The following TRAPPC10 variants were observed in gnomAD, a reference collection of about 807,000 sequenced individuals.
The protein encoded by TRAPPC10 is trafficking protein particle complex subunit 10, also known as TRAPP 130 kDa subunit.
In TRAPPC10, 23 loss-of-function variants were observed where a neutral mutation model predicts 125.5. The ratio of observed to expected loss-of-function variants is 0.18; its 90% CI spans 0.13 to 0.26. TRAPPC10 has a LOEUF of 0.26. TRAPPC10 is among the 10% of genes least tolerant of loss of function. TRAPPC10 has a pLI of 1.00. For synonymous variants in TRAPPC10, 509 were observed against 518.0 expected, an observed-to-expected ratio of 0.98 and a Z score of 0.24; for missense variants, 1,123 against 1,308.4, an observed-to-expected ratio of 0.86 and a Z score of 2.19.
rs2037673502 is a variant in TRAPPC10 at position 44,081,005 on chromosome 21, C to CTTTTTTTTTTCTTTTTTTTTTT, written c.1723+888_1723+889insCTTTTTTTTTTTTTTTTTTTTT. ...CATTACCACAGTCAATATTATTGTTCTTTTTTTTTTTCTTTTTTTTTTTTT... is the reference window on the plus strand; with the variant it reads ...CATTACCACAGTCAATATTATTGTTCTTTTTTTTTTCTTTTTTTTTTTTTTTTTTTTTTCTTTTTTTTTTTTT... On this transcript the variant is annotated intron_variant, in intron 13 of 22. Transcript: ENST00000291574. Among the ~76,000 whole-genome samples, 6 of 103,870 alleles carry CTTTTTTTTTTCTTTTTTTTTTT rather than the reference C, an allele frequency of 5.8e-5. 1 individual carries two copies. Among genetic ancestry groups the CTTTTTTTTTTCTTTTTTTTTTT allele is most frequent in the African/African-American group, 9.5e-5 (3 of 31,530 alleles). 68.1% of individuals were successfully genotyped at this position (103,870 alleles called of 152,430 possible). A position where few individuals can be genotyped will look rare whatever the true frequency, so the allele number is the denominator to read the frequency against.
rs1312654068 is a variant in TRAPPC10 at position 44,083,165 on chromosome 21, A to C, written c.2101A>C (p.Met701Leu). The change falls in exon 14 of 23, where the codon ATG (methionine) becomes CTG (leucine). Residue 701 changes from methionine to leucine, a missense_variant. By Grantham distance (15) the Met-to-Leu change is conservative. This residue lies in a region of TRAPPC10 where 840 missense variants were observed against 902.0 expected (regional missense o/e 0.93). Coordinates refer to ENST00000291574, the MANE Select transcript of TRAPPC10 (RefSeq NM_003274.5). ...TTGIICRNVH[M>L]LLRRQESSSS... ...TGGGATTATCTGCAGAAACGTCCAC[A>C]TGCTCCTGAGAAGGCAGGAGAGCAG... is the stretch of plus-strand genomic sequence containing the variant. 5 of 1,614,090 alleles carry C rather than the reference A, an allele frequency of 3.1e-6. No individual in the cohort carries two copies. The highest frequency in any genetic ancestry group is 4.2e-6 in the Non-Finnish European group (5 of 1,180,052).
intron 6 of TRAPPC10, chr21:44,060,293 T>G (rs1306997288): frequency 7.4e-6 from 1 of 136,034 alleles, no homozygotes; most frequent in African/African-American, 3.1e-5. Flanking sequence ...TTTTTTTTTT[T>G]GAAATGGAGT....
At chr21:44,088,975 T>C (rs1294601786) in intron 17 of TRAPPC10, 1 of 143,602 alleles carries the variant, frequency 7.0e-6, no homozygotes, top group Non-Finnish European at 1.3e-5. Flanking sequence ...TGCCGTGTTA[T>C]CCTCTTTTCC....
At chr21:44,031,063 A>G (rs1171670221) in intron 1 of TRAPPC10, among the ~76,000 whole-genome samples, 1 of 152,168 alleles carries the variant, frequency 6.6e-6, no homozygotes, top group African/African-American at 2.4e-5. Context: ...GGGACCGGGC[A>G]GTGAGGTTAC....
intron 1 of TRAPPC10, among the ~76,000 whole-genome samples, chr21:44,027,683 G>A (rs538525491): frequency 6.6e-6 from 1 of 152,194 alleles, no homozygotes; most frequent in African/African-American, 2.4e-5. Context: ...CAGGCGCACG[G>A]TGCTGTCTGG....
chr21:44,021,530 C>CAA (rs1162342971), intron 1 of TRAPPC10, among the ~76,000 whole-genome samples: 1 of 152,178 alleles, frequency 6.6e-6, no homozygotes, highest in East Asian at 1.9e-4. Context: ...CCAACTACAG[C>CAA]AATTAGGTGA....
rs562138153 is a variant in TRAPPC10 at position 44,041,941 on chromosome 21, G to A, written c.285+4014G>A. Among the ~76,000 whole-genome samples, 35 of 152,168 alleles carry A rather than the reference G, an allele frequency of 2.3e-4. 1 individual carries two copies. In the South Asian group the frequency reaches 7.3e-3, roughly 32 times the overall value. ...GGGTTTCACCATGTTGGCCAGGCTG[G>A]TCTCAAACTCCTGACATCAGGCGAT... On this transcript the variant is annotated intron_variant, in intron 3 of 22. Coordinates refer to ENST00000291574, the MANE Select transcript of TRAPPC10 (RefSeq NM_003274.5).
At chr21:44,029,337 A>C (rs2238709) in intron 1 of TRAPPC10, among the ~76,000 whole-genome samples, 53,025 of 152,000 alleles carry the variant, frequency 0.35, 13,482 homozygotes, top group African/African-American at 0.72. Context: ...CTTGTGATCC[A>C]CCCACCTCGG....
intron 4 of TRAPPC10, 85 bp downstream of exon 4, chr21:44,052,561 A>ATTACTACC: frequency 7.6e-7 from 1 of 1,313,734 alleles, no homozygotes; most frequent in Non-Finnish European, 1.0e-6. Flanking sequence ...ATAAATATTT[A>ATTACTACC]CTCAGCAATC....
At chr21:44,067,531 A>G (rs146841378) in intron 7 of TRAPPC10, among the ~76,000 whole-genome samples, 1 of 152,300 alleles carries the variant, frequency 6.6e-6, no homozygotes, top group East Asian at 1.9e-4. Flanking sequence ...ACAAAAGGAA[A>G]GAGAGGACTG....
At chr21:44,074,636 C>A (rs188849410) in intron 8 of TRAPPC10, among the ~76,000 whole-genome samples, 166 bp downstream of exon 8, 1 of 152,210 alleles carries the variant, frequency 6.6e-6, no homozygotes, top group Non-Finnish European at 1.5e-5. Context: ...AGTCATAGTT[C>A]CCTACCACAT....
rs190774745 is a variant in TRAPPC10 at position 44,067,431 on chromosome 21, C to T, written c.1038+3646C>T. On this transcript the variant is annotated intron_variant, in intron 7 of 22. Coordinates refer to ENST00000291574, the MANE Select transcript of TRAPPC10 (RefSeq NM_003274.5). ...TCATGTGTAGGTGGAGGATCTTGTGCACCCATGAGCCATGAGGGGGAGGAG... is the reference window on the plus strand; with the variant it reads ...TCATGTGTAGGTGGAGGATCTTGTGTACCCATGAGCCATGAGGGGGAGGAG... 1.5e-3 allele frequency among the ~76,000 whole-genome samples: 228 copies of T among 152,174 alleles called. 1 individual carries two copies. The highest frequency in any genetic ancestry group is 4.8e-3 in the African/African-American group (198 of 41,508).
rs747735717 is a variant in TRAPPC10, at chr21:44,082,723, C to T, written c.1724-65C>T. ...CTCGGTGATCTTACTGTGTCCGCGG[C>T]CTGCTGCTGCTTACTGTCAGGAAGT... On this transcript the variant is annotated intron_variant, in intron 13 of 22. Coordinates refer to ENST00000291574, the MANE Select transcript of TRAPPC10 (RefSeq NM_003274.5). The surrounding 1 kb of genome is among the most constrained non-coding windows in gnomAD (Gnocchi z 4.4). The T allele has an allele frequency of 1.4e-3, 2,152 of 1,571,700 alleles. 2 individuals carry two copies. Among genetic ancestry groups the T allele is most frequent in the Non-Finnish European group, 1.7e-3 (1,956 of 1,152,530 alleles).
chr21:44,016,000 C>G (rs1233221130), intron 1 of TRAPPC10, among the ~76,000 whole-genome samples: 1 of 152,208 alleles, frequency 6.6e-6, no homozygotes, highest in African/African-American at 2.4e-5. Flanking sequence ...TAGGGGCCTT[C>G]TTAAACTCAG....
At position 44,059,245 on chromosome 21, in the gene TRAPPC10, T is replaced by G. The variant is rs1253396455; in HGVS notation, c.790+31T>G. 2 of 1,502,434 alleles carry G rather than the reference T, an allele frequency of 1.3e-6. No homozygotes were observed. Among genetic ancestry groups the G allele is most frequent in the East Asian group, 2.3e-5 (1 of 43,990 alleles). 93.1% of individuals were successfully genotyped at this position (1,502,434 alleles called of 1,614,324 possible). The stretch of plus-strand genomic sequence containing the variant: ...TAGTGGCACTTCAGTAACGCATGCT[T>G]TTCTTAGTGTGGCTTTCTCCAACTT... On this transcript the variant is annotated intron_variant, in intron 6 of 22. Coordinates refer to ENST00000291574, the MANE Select transcript of TRAPPC10 (RefSeq NM_003274.5). This position sits in a 1 kb window ranked among gnomAD's most constrained non-coding sequence, Gnocchi z 4.4.
intron 17 of TRAPPC10, chr21:44,089,382 A>G (rs1420899167): frequency 4.0e-5 from 15 of 370,780 alleles, no homozygotes; most frequent in South Asian, 2.9e-4. Context: ...ATTCAGCCTC[A>G]CATGGATTAA....
chr21:44,085,278 C>T lies in TRAPPC10; in HGVS notation c.2380+1015C>T, dbSNP rs145932816. ...TCTAAGGAATTTGGGAGCTAGTATG[C>T]CTGGAAATGGGGTTGAAAACTACAT... On this transcript the variant is annotated intron_variant, in intron 15 of 22. Transcript: ENST00000291574. 4.3e-4 allele frequency among the ~76,000 whole-genome samples: 65 copies of T among 152,054 alleles called. 1 individual carries two copies. In the East Asian group the frequency reaches 0.011, roughly 25 times the overall value.
chr21:44,089,915 T>C lies in TRAPPC10; in HGVS notation c.2852T>C (p.Leu951Pro), dbSNP rs1254141078. 2 of 1,613,568 alleles carry C rather than the reference T, an allele frequency of 1.2e-6. No individual in the cohort carries two copies. The highest frequency in any genetic ancestry group is 1.7e-6 in the Non-Finnish European group (2 of 1,179,720). ...GTACCCTTCAGGACCACACACAGCC[T>C]CCTGTCCTCAGGAACACGGTAACGG... ...FSVPFRTTHS[L>P]LSSGTRKYVQ... The change falls in exon 18 of 23, where the codon CTC becomes CCC. Residue 951 changes from leucine (L) to proline (P), a missense_variant. By Grantham distance (98) the Leu-to-Pro change is moderately conservative. Coordinates refer to ENST00000291574, the MANE Select transcript of TRAPPC10 (RefSeq NM_003274.5).
chr21:44,052,213 C>A, intron 3 of TRAPPC10, 67 bp from the exon 4 acceptor site: 1 of 1,352,004 alleles, frequency 7.4e-7, no homozygotes, highest in Non-Finnish European at 1.0e-6. Flanking sequence ...TGTTATTAGG[C>A]ACATTTTGCT....
Sources: gnomAD v4.1 joint callset for allele counts (sites outside exome capture counted in the v4.1 genomes callset) on GRCh38, gnomAD v4.1.1 for gene constraint, gnomAD v4.1.1 regional missense constraint, Gnocchi (gnomAD v3.1) non-coding constraint, MANE v1.5 for transcripts, NCBI Gene and HGNC (gene_info 2026-07-23, HGNC 2026-07-21) for gene names.